The following LMNA variants were observed in gnomAD, a reference collection of about 807,000 sequenced individuals.
LMNA encodes the protein lamin A/C.
A neutral mutation model predicts 70.4 loss-of-function variants in LMNA; 20 were observed. That is an observed-to-expected ratio of 0.28 (90% CI 0.20 to 0.41). LMNA has a LOEUF of 0.41. Among genes scored for constraint, LMNA ranks in the 10% least tolerant of loss-of-function variants. LMNA has a pLI of 1.00. For missense variants in LMNA, 652 were observed against 917.2 expected (o/e 0.71, Z 3.73); for synonymous variants, 339 against 372.8 (o/e 0.91, Z 1.04).
At chr1:156,128,296 ACTT>A (rs1650765757) in intron 1 of LMNA, among the ~76,000 whole-genome samples, 1 of 151,952 alleles carries the variant, frequency 6.6e-6, no homozygotes, top group South Asian at 2.1e-4. Context: ...TGAAGAAAAA[ACTT>A]CTGTGCTCAT....
intron 3 of LMNA, among the ~76,000 whole-genome samples, chr1:156,105,715 T>G (rs1198570488): frequency 6.6e-6 from 1 of 152,196 alleles, no homozygotes; most frequent in Non-Finnish European, 1.5e-5. Context: ...CATGATCCCA[T>G]GTCCATAACA....
rs1346477674 is a variant in LMNA, at chr1:156,115,377, G to A, written c.356+103G>A. On this transcript the variant is annotated intron_variant, in intron 1 of 11. Coordinates refer to ENST00000368300, the MANE Select transcript of LMNA (RefSeq NM_170707.4). This position sits in a 1 kb window ranked among gnomAD's most constrained non-coding sequence, Gnocchi z 5.8. ...AAGGGAGTGAGAGGGCCTGGAGGCC[G>A]ATAACTTTGCCATAGTCTCCTCCCT... The A allele has an allele frequency of 3.3e-5, 35 of 1,067,300 alleles. No homozygotes were observed. The highest frequency in any genetic ancestry group is 3.3e-5 in the Non-Finnish European group (24 of 721,408). 66.1% of individuals were successfully genotyped at this position (1,067,300 alleles called of 1,614,324 possible). A position where few individuals can be genotyped will look rare whatever the true frequency, so the allele number is the denominator to read the frequency against.
At chr1:156,126,142 G>A in intron 1 of LMNA, 9 of 1,506,900 alleles carry the variant, frequency 6.0e-6, no homozygotes, top group Non-Finnish European at 8.0e-6. Context: ...TGGGAGACAG[G>A]AAATGCCCAG....
In LMNA at chr1:156,139,733, G is replaced by A. The variant is rs1651953942; in HGVS notation, c.*627G>A. 2.0e-6 allele frequency: 3 copies of A among 1,485,086 alleles called. No homozygotes were observed. Among genetic ancestry groups the A allele is most frequent in the African/African-American group, 2.8e-5 (2 of 71,610 alleles). 92.0% of individuals were successfully genotyped at this position (1,485,086 alleles called of 1,614,324 possible). ...GCCCCGGGGTGAGTCCATTCTCCCA[G>A]GTACCAGCTGCGCTTGCTTTTCTGT... On this transcript the variant is annotated 3_prime_UTR_variant, in exon 12 of 12. Coordinates refer to ENST00000368300, the MANE Select transcript of LMNA (RefSeq NM_170707.4).
At chr1:156,121,993 TA>T (rs978697777) in intron 1 of LMNA, among the ~76,000 whole-genome samples, 10 of 152,118 alleles carry the variant, frequency 6.6e-5, no homozygotes, top group African/African-American at 2.2e-4. Flanking sequence ...CTGTCTCTAC[TA>T]AAAATACAAA....
At chr1:156,091,675 A>G (rs1401598731) in intron 3 of LMNA, among the ~76,000 whole-genome samples, 2 of 152,174 alleles carry the variant, frequency 1.3e-5, no homozygotes, top group African/African-American at 4.8e-5. Flanking sequence ...GTCAGGAACT[A>G]TTCTAGGCCC....
chr1:156,091,390 G>T (rs942615390), intron 3 of LMNA, among the ~76,000 whole-genome samples: 1 of 152,176 alleles, frequency 6.6e-6, no homozygotes, highest in Non-Finnish European at 1.5e-5. Context: ...ATCACCTGAG[G>T]TGGGGAGTTC....
chr1:156,132,900 CACGAT>C (rs1651206152), intron 2 of LMNA, among the ~76,000 whole-genome samples: 1 of 145,214 alleles, frequency 6.9e-6, no homozygotes, highest in African/African-American at 2.6e-5. Flanking sequence ...AGTGCAATGG[CACGAT>C]CTCAGCTCAC....
chr1:156,116,575 T>C (rs1649841502), intron 1 of LMNA, among the ~76,000 whole-genome samples: 1 of 152,210 alleles, frequency 6.6e-6, no homozygotes, highest in African/African-American at 2.4e-5. Flanking sequence ...CTGCTCTTCC[T>C]AGAACCCTTT....
intron 3 of LMNA, among the ~76,000 whole-genome samples, chr1:156,107,371 C>T (rs368414397): frequency 7.5e-4 from 114 of 152,304 alleles, no homozygotes; most frequent in African/African-American, 2.6e-3. Context: ...CCCATGGCAG[C>T]GTGGCACTGA....
chr1:156,126,492 G>T, intron 1 of LMNA: 1 of 662,296 alleles, frequency 1.5e-6, no homozygotes, highest in Non-Finnish European at 2.8e-6. Context: ...GACTCAGAGG[G>T]TGGGTCAGCG....
Position 156,115,354 on chromosome 1 carries a change from G to A in LMNA, c.356+80G>A. On this transcript the variant is annotated intron_variant, in intron 1 of 11. Transcript: ENST00000368300. This position sits in a 1 kb window ranked among gnomAD's most constrained non-coding sequence, Gnocchi z 5.8. ...CGGCGCCCCTGGCCGGCCGCAGGAA[G>A]GGAGTGAGAGGGCCTGGAGGCCGAT... 7.9e-7 allele frequency: 1 copy of A among 1,262,192 alleles called. No homozygotes were observed. The highest frequency in any genetic ancestry group is 1.1e-6 in the Non-Finnish European group (1 of 896,030). 78.2% of individuals were successfully genotyped at this position (1,262,192 alleles called of 1,614,324 possible). A position where few individuals can be genotyped will look rare whatever the true frequency, so the allele number is the denominator to read the frequency against.
intron 3 of LMNA, among the ~76,000 whole-genome samples, chr1:156,095,164 G>C (rs1396499960): frequency 6.6e-6 from 1 of 151,794 alleles, no homozygotes; most frequent in East Asian, 1.9e-4. Context: ...CCTGACCTCA[G>C]GTGATCTGTC....
chr1:156,094,987 C>T (rs1237047888), intron 3 of LMNA, among the ~76,000 whole-genome samples: 5 of 149,238 alleles, frequency 3.4e-5, no homozygotes, highest in Non-Finnish European at 5.9e-5. Context: ...AGTACAGTGG[C>T]GTGCACTCAC....
chr1:156,138,180 G>A lies in LMNA; in HGVS notation c.1699-308G>A, dbSNP rs1462346175. On this transcript the variant is annotated intron_variant, in intron 10 of 11. Transcript: ENST00000368300. This position sits in a 1 kb window ranked among gnomAD's most constrained non-coding sequence, Gnocchi z 5.5. ...CCACTCCAATTAATAGTGCATGCCT[G>A]CTGCCCTACAAGCTTGCTCCCGTTC... 2.3e-5 allele frequency: 13 copies of A among 556,184 alleles called. No homozygotes were observed. The East Asian group carries it at 4.0e-4, about 17-fold the overall frequency. The allele number at this position is 556,184 out of a possible 1,614,324, so 34.5% of individuals were successfully genotyped here. A position where few individuals can be genotyped will look rare whatever the true frequency, so the allele number is the denominator to read the frequency against.
intron 3 of LMNA, among the ~76,000 whole-genome samples, chr1:156,095,360 A>G (rs1460880369): frequency 6.6e-6 from 1 of 152,086 alleles, no homozygotes; most frequent in Non-Finnish European, 1.5e-5. Context: ...TGAGTAAATG[A>G]TTGATTGAAT....
At position 156,136,571 on chromosome 1, in the gene LMNA, A is replaced by G; in HGVS notation, c.1380+135A>G. ...CAGGGTGAGCCTGTATATCTCCTCC[A>G]CACTCTGGTTCCAGGCCTGGCTCCT... On this transcript the variant is annotated intron_variant, in intron 7 of 11. Coordinates refer to ENST00000368300, the MANE Select transcript of LMNA (RefSeq NM_170707.4). This position sits in a 1 kb window ranked among gnomAD's most constrained non-coding sequence, Gnocchi z 6.1. 1.1e-6 allele frequency: 1 copy of G among 940,496 alleles called. No homozygotes were observed. Among genetic ancestry groups the G allele is most frequent in the South Asian group, 1.4e-5 (1 of 71,418 alleles). 58.3% of individuals were successfully genotyped at this position (940,496 alleles called of 1,614,324 possible). A position where few individuals can be genotyped will look rare whatever the true frequency, so the allele number is the denominator to read the frequency against.
rs1471649557 is a variant in LMNA, at chr1:156,134,936, G to A, written c.771G>A (p.Glu257=). Residue 257 remains glutamate (E), a synonymous_variant, in exon 4 of 12, where the codon GAG becomes GAA. Coordinates refer to ENST00000368300, the MANE Select transcript of LMNA (RefSeq NM_170707.4). This position sits in a 1 kb window ranked among gnomAD's most constrained non-coding sequence, Gnocchi z 5.3. The part of the protein sequence containing the change: ...ELRAQHEDQV[E]QYKKELEKTY... ...GGGCCCAGCATGAGGACCAGGTGGA[G>A]CAGTATAAGAAGGAGCTGGAGAAGA... 43 of 1,614,116 alleles carry A rather than the reference G, an allele frequency of 2.7e-5. No individual in the cohort carries two copies. Among genetic ancestry groups the A allele is most frequent in the Non-Finnish European group, 3.2e-5 (38 of 1,180,048 alleles).
chr1:156,114,914 C>G lies in LMNA; in HGVS notation c.-5C>G, dbSNP rs886045362. The G allele has an allele frequency of 1.9e-6, 3 of 1,541,202 alleles. No homozygotes were observed. The Admixed American group carries it at 5.9e-5, about 30-fold the overall frequency. ...CCCGCGGGCAGCGCTGCCAACCTGC[C>G]GGCCATGGAGACCCCGTCCCAGCGG... On this transcript the variant is annotated 5_prime_UTR_variant, in exon 1 of 12. Coordinates refer to ENST00000368300, the MANE Select transcript of LMNA (RefSeq NM_170707.4).
Sources: allele counts gnomAD v4.1 joint callset (sites outside exome capture counted in the v4.1 genomes callset), GRCh38; gene constraint gnomAD v4.1.1; non-coding constraint Gnocchi (gnomAD v3.1); transcripts MANE v1.5; gene names NCBI Gene and HGNC (gene_info 2026-07-23, HGNC 2026-07-21).